RAB31: variants seen among roughly 807,000 people sequenced by gnomAD.
RAB31 encodes ras-related protein Rab-31.
RAB31 carries 21 observed loss-of-function variants against 25.6 expected under a neutral mutation model. The ratio of observed to expected loss-of-function variants is 0.82; its 90% CI spans 0.58 to 1.18. The LOEUF is 1.18. Among genes scored for constraint, RAB31 ranks in the 50% most tolerant of loss-of-function variants. The pLI, the probability that RAB31 is intolerant of heterozygous loss-of-function variation, is 0.00. For synonymous variants in RAB31, 87 were observed against 84.0 expected (o/e 1.04, Z -0.20); for missense variants, 196 against 250.1 (o/e 0.78, Z 1.46).
chr18:9,717,128 G>A (rs1219174257), intron 1 of RAB31, among the ~76,000 whole-genome samples: 1 of 151,928 alleles, frequency 6.6e-6, no homozygotes, highest in African/African-American at 2.4e-5. Context: ...CATCCAGGCT[G>A]GAGTGCAATG....
chr18:9,847,219 G>A (rs546140793), intron 6 of RAB31, among the ~76,000 whole-genome samples: 6 of 152,208 alleles, frequency 3.9e-5, no homozygotes, highest in Non-Finnish European at 5.9e-5. Flanking sequence ...TTCTGGTGGC[G>A]TTAGGCTCTT....
intron 3 of RAB31, among the ~76,000 whole-genome samples, chr18:9,810,428 G>A (rs2068564724): frequency 6.6e-6 from 1 of 152,138 alleles, no homozygotes; most frequent in South Asian, 2.1e-4. Flanking sequence ...CATAAACATT[G>A]TAGACTAGAA....
At chr18:9,723,479 A>C (rs1259473229) in intron 1 of RAB31, 2 of 152,258 alleles carry the variant, frequency 1.3e-5, no homozygotes, top group African/African-American at 4.8e-5. Context: ...CTATTTAAAA[A>C]GATGAGTTAT....
chr18:9,857,712 A>T (rs2068825741), intron 6 of RAB31, among the ~76,000 whole-genome samples: 1 of 151,296 alleles, frequency 6.6e-6, no homozygotes, highest in African/African-American at 2.4e-5. Flanking sequence ...AGATAGATAG[A>T]TAGATAGATA....
At chr18:9,811,128 A>G (rs532559889) in intron 3 of RAB31, among the ~76,000 whole-genome samples, 9 of 152,296 alleles carry the variant, frequency 5.9e-5, no homozygotes, top group East Asian at 1.9e-4. Context: ...GCTGTCCCCA[A>G]GTGCGTTCTG....
intron 1 of RAB31, among the ~76,000 whole-genome samples, chr18:9,718,030 G>T (rs557519726): frequency 1.3e-5 from 2 of 152,080 alleles, no homozygotes; most frequent in South Asian, 4.2e-4. Flanking sequence ...GAGTAGCTGG[G>T]ACTATAGGTG....
chr18:9,795,035 A>G (rs139032195), intron 3 of RAB31, among the ~76,000 whole-genome samples: 5,555 of 152,266 alleles, frequency 0.036, 330 homozygotes, highest in African/African-American at 0.12. Flanking sequence ...TACTGGTATA[A>G]AAATAGGCAT....
chr18:9,775,205 T>C (rs906229046), intron 1 of RAB31, 73 bp from the exon 2 acceptor site: 65 of 1,605,600 alleles, frequency 4.0e-5, no homozygotes, highest in Middle Eastern at 1.6e-4. Flanking sequence ...TGGTAATCTG[T>C]GAGGTCAGTT....
intron 6 of RAB31, among the ~76,000 whole-genome samples, chr18:9,846,703 A>G (rs1374714088): frequency 6.6e-6 from 1 of 152,210 alleles, no homozygotes; most frequent in Non-Finnish European, 1.5e-5. Flanking sequence ...GTGGCTTCCC[A>G]GAACAGTTTT....
Position 9,733,582 on chromosome 18 carries a change from G to A in RAB31, c.39+25138G>A, listed in dbSNP as rs151268310. 9.2e-5 allele frequency among the ~76,000 whole-genome samples: 14 copies of A among 152,280 alleles called. No homozygotes were observed. In the East Asian group the frequency reaches 9.7e-4, roughly 11 times the overall value. Reference sequence around the variant, plus strand: ...TTCTCATTCGTATTCTGTGCCTGGAGACCCAATCCAAACTCCAAGCCTCAT... The same window carrying A: ...TTCTCATTCGTATTCTGTGCCTGGAAACCCAATCCAAACTCCAAGCCTCAT... On this transcript the variant is annotated intron_variant, in intron 1 of 6. Transcript: ENST00000578921.
chr18:9,759,640 T>C (rs1185595217), intron 1 of RAB31, among the ~76,000 whole-genome samples: 3 of 151,810 alleles, frequency 2.0e-5, no homozygotes, highest in Admixed American at 1.3e-4. Flanking sequence ...CCCAGAGGTG[T>C]GGTGATGAGG....
intron 2 of RAB31, 128 bp downstream of exon 2, chr18:9,775,485 G>T: frequency 6.8e-7 from 1 of 1,477,638 alleles, no homozygotes; most frequent in Non-Finnish European, 9.1e-7. Context: ...ATCAATCCCA[G>T]CTGTAGACCG....
chr18:9,838,087 G>C (rs969173744), intron 5 of RAB31, among the ~76,000 whole-genome samples: 3 of 152,076 alleles, frequency 2.0e-5, no homozygotes, highest in Admixed American at 6.6e-5. Flanking sequence ...TGGTGTGCCC[G>C]GCATTATTCT....
chr18:9,781,600 C>T (rs1599036010), intron 2 of RAB31, among the ~76,000 whole-genome samples: 2 of 152,232 alleles, frequency 1.3e-5, no homozygotes, highest in Admixed American at 6.5e-5. Flanking sequence ...TGAGCCACCG[C>T]GCCCAGCCCT....
chr18:9,760,234 C>T (rs766225258), intron 1 of RAB31, among the ~76,000 whole-genome samples: 5 of 151,384 alleles, frequency 3.3e-5, no homozygotes, highest in Non-Finnish European at 7.4e-5. Flanking sequence ...AGTGTAATGG[C>T]ACAATCACAG....
intron 1 of RAB31, among the ~76,000 whole-genome samples, chr18:9,770,417 C>G (rs566535696): frequency 3.9e-5 from 6 of 152,240 alleles, no homozygotes; most frequent in Admixed American, 1.3e-4. Flanking sequence ...GCAGCCAAAA[C>G]TTTGTGGTTC....
intron 1 of RAB31, among the ~76,000 whole-genome samples, chr18:9,733,090 T>G (rs1332991321): frequency 6.6e-6 from 1 of 152,234 alleles, no homozygotes; most frequent in African/African-American, 2.4e-5. Context: ...CAGTTTCCAC[T>G]GCGCACAGCA....
chr18:9,849,407 T>TA (rs1269494684), intron 6 of RAB31, among the ~76,000 whole-genome samples: 1 of 152,200 alleles, frequency 6.6e-6, no homozygotes, highest in Non-Finnish European at 1.5e-5. Context: ...AAGTGAAATG[T>TA]AATCACTTTT....
chr18:9,745,402 T>A lies in RAB31; in HGVS notation c.40-29876T>A, dbSNP rs571826900. ...ATAACATCAGTTGCTCTTAATCTCT[T>A]CCAAATATAGAAGAGGAGGGAATAC... is the stretch of plus-strand genomic sequence containing the variant. On this transcript the variant is annotated intron_variant, in intron 1 of 6. Transcript: ENST00000578921. Among the ~76,000 whole-genome samples, 39 of 152,296 alleles carry A rather than the reference T, an allele frequency of 2.6e-4. No individual in the cohort carries two copies. In the East Asian group the frequency reaches 6.7e-3, roughly 26 times the overall value.
Sources: allele counts gnomAD v4.1 joint callset (sites outside exome capture counted in the v4.1 genomes callset), GRCh38; gene constraint gnomAD v4.1.1; transcripts MANE v1.5; gene names NCBI Gene and HGNC (gene_info 2026-07-23, HGNC 2026-07-21).